Variants in MAGI2 observed in about 807,000 individuals in gnomAD.
MAGI2 encodes the protein membrane associated guanylate kinase, WW and PDZ domain containing 2, also known as membrane-associated guanylate kinase, WW and PDZ domain-containing protein 2.
MAGI2 carries 35 observed loss-of-function variants against 133.3 expected under a neutral mutation model. The ratio of observed to expected loss-of-function variants is 0.26; its 90% CI spans 0.20 to 0.35. MAGI2 has a LOEUF of 0.35. MAGI2 is among the 10% of genes least tolerant of loss of function. The pLI, the probability that MAGI2 is intolerant of heterozygous loss-of-function variation, is 1.00. For missense variants in MAGI2, 1,636 were observed against 1,863.4 expected, an observed-to-expected ratio of 0.88 and a Z score of 2.25; for synonymous variants, 729 against 710.6, an observed-to-expected ratio of 1.03 and a Z score of -0.41.
chr7:78,658,414 G>A (rs1469484943), intron 2 of MAGI2, among the ~76,000 whole-genome samples: 2 of 152,144 alleles, frequency 1.3e-5, no homozygotes, highest in Non-Finnish European at 1.5e-5. Flanking sequence ...CTAGGACTAG[G>A]CAGAATTCTT....
chr7:78,780,540 T>A (rs548099306), intron 2 of MAGI2, among the ~76,000 whole-genome samples: 60 of 152,326 alleles, frequency 3.9e-4, no homozygotes, highest in Non-Finnish European at 7.3e-4. Flanking sequence ...TTCAGTTCCG[T>A]AATATAACTC....
At chr7:79,047,886 T>G (rs1191528147) in intron 1 of MAGI2, among the ~76,000 whole-genome samples, 4 of 152,140 alleles carry the variant, frequency 2.6e-5, no homozygotes, top group Non-Finnish European at 5.9e-5. Flanking sequence ...GGGATGGTGA[T>G]TGTATGTGCT....
intron 1 of MAGI2, among the ~76,000 whole-genome samples, chr7:79,214,405 C>CCCTA (rs1829805838): frequency 6.6e-5 from 2 of 30,508 alleles, no homozygotes. Context: ...CTCTCTCTCT[C>CCCTA]TCTATATATA....
chr7:78,872,550 T>C (rs1795115014), intron 2 of MAGI2, among the ~76,000 whole-genome samples: 1 of 151,784 alleles, frequency 6.6e-6, no homozygotes, highest in Non-Finnish European at 1.5e-5. Context: ...AAAATAATAC[T>C]GAATAGTAAA....
chr7:79,059,288 G>A (rs36035953), intron 1 of MAGI2, among the ~76,000 whole-genome samples: 91,099 of 151,876 alleles, frequency 0.6, 30,046 homozygotes, highest in Non-Finnish European at 0.75. Context: ...CATGGGTAAC[G>A]GACCTTGTCT....
chr7:78,492,297 C>T (rs1191839500), intron 5 of MAGI2, among the ~76,000 whole-genome samples: 8 of 152,022 alleles, frequency 5.3e-5, no homozygotes, highest in African/African-American at 1.9e-4. Context: ...TACATTTTGA[C>T]AGATTGAGTC....
At chr7:78,550,287 T>C (rs376698638) in intron 3 of MAGI2, among the ~76,000 whole-genome samples, 3 of 152,288 alleles carry the variant, frequency 2.0e-5, no homozygotes, top group East Asian at 3.9e-4. Flanking sequence ...ACCCATTCTT[T>C]GGGCACCTCA....
At chr7:78,588,255 C>A (rs181420514) in intron 3 of MAGI2, among the ~76,000 whole-genome samples, 1 of 152,274 alleles carries the variant, frequency 6.6e-6, no homozygotes, top group African/African-American at 2.4e-5. Context: ...TATCGTATTT[C>A]TTCCCTTTTC....
At chr7:79,419,924 G>T (rs1375382958) in intron 1 of MAGI2, among the ~76,000 whole-genome samples, 5 of 151,954 alleles carry the variant, frequency 3.3e-5, no homozygotes, top group African/African-American at 1.2e-4. Context: ...TGAATAAAAT[G>T]TCCACCTACA....
chr7:78,267,274 A>ATTAAG (rs1321473547), intron 9 of MAGI2, among the ~76,000 whole-genome samples: 3 of 152,202 alleles, frequency 2.0e-5, no homozygotes, highest in Non-Finnish European at 4.4e-5. Flanking sequence ...GTGCTGCAGC[A>ATTAAG]TTAAGTTGCT....
At chr7:78,582,672 A>G (rs1802958193) in intron 3 of MAGI2, among the ~76,000 whole-genome samples, 1 of 152,248 alleles carries the variant, frequency 6.6e-6, no homozygotes, top group African/African-American at 2.4e-5. Flanking sequence ...TGAGCAATAA[A>G]TACATTTTTA....
intron 1 of MAGI2, among the ~76,000 whole-genome samples, chr7:79,035,551 A>C (rs1001100255): frequency 6.6e-6 from 1 of 152,210 alleles, no homozygotes; most frequent in Non-Finnish European, 1.5e-5. Flanking sequence ...AGGTAAAGGC[A>C]TAATTATGTA....
intron 9 of MAGI2, among the ~76,000 whole-genome samples, chr7:78,279,192 T>G (rs974165700): frequency 6.6e-6 from 1 of 152,188 alleles, no homozygotes; most frequent in Non-Finnish European, 1.5e-5. Flanking sequence ...TCTTCAGTTC[T>G]GGGATTGTAT....
chr7:78,070,560 GTA>G (rs1181521409), intron 21 of MAGI2, among the ~76,000 whole-genome samples: 12 of 100,514 alleles, frequency 1.2e-4, no homozygotes, highest in South Asian at 1.2e-3. Flanking sequence ...GTGTATATAT[GTA>G]TATATATGTG....
chr7:79,055,811 A>G (rs113020552), intron 1 of MAGI2, among the ~76,000 whole-genome samples: 113 of 152,172 alleles, frequency 7.4e-4, no homozygotes, highest in African/African-American at 2.4e-3. Context: ...CTGTTTCCCT[A>G]TGTTTATAAA....
intron 2 of MAGI2, among the ~76,000 whole-genome samples, chr7:78,647,793 A>G (rs533941598): frequency 6.6e-6 from 1 of 152,316 alleles, no homozygotes; most frequent in Non-Finnish European, 1.5e-5. Context: ...TGGCCCATAT[A>G]CACCATGGAA....
At chr7:78,185,428 GT>G (rs1195638986) in intron 13 of MAGI2, 200 bp downstream of exon 13, 1 of 413,336 alleles carries the variant, frequency 2.4e-6, no homozygotes, top group South Asian at 7.2e-5. Flanking sequence ...GAATATGACT[GT>G]TTTCCTTTGT....
intron 1 of MAGI2, among the ~76,000 whole-genome samples, chr7:79,112,564 A>C (rs1210116021): frequency 3.3e-5 from 5 of 152,188 alleles, no homozygotes; most frequent in Admixed American, 3.3e-4. Flanking sequence ...CAATGAAAAA[A>C]CTACTCCAAG....
chr7:78,525,536 G>C (rs2150599930), intron 3 of MAGI2, among the ~76,000 whole-genome samples: 1 of 152,240 alleles, frequency 6.6e-6, no homozygotes, highest in East Asian at 1.9e-4. Context: ...ATACAATTTG[G>C]AAAAATTGTT....
Sources: gnomAD v4.1 joint callset for allele counts (sites outside exome capture counted in the v4.1 genomes callset) on GRCh38, gnomAD v4.1.1 for gene constraint, MANE v1.5 for transcripts, NCBI Gene and HGNC (gene_info 2026-07-23, HGNC 2026-07-21) for gene names.